Variants in WDFY4 observed in about 807,000 individuals in gnomAD.
WDFY4 encodes WDFY family member 4.
A neutral mutation model predicts 351.9 loss-of-function variants in WDFY4; 169 were observed. The observed-to-expected ratio is 0.48, with a 90% CI of 0.42 to 0.55. The LOEUF (loss-of-function observed/expected upper bound fraction) is 0.55. Among genes scored for constraint, WDFY4 ranks in the 20% least tolerant of loss-of-function variants. The pLI, the probability that WDFY4 is intolerant of heterozygous loss-of-function variation, is 0.00. For synonymous variants in WDFY4, 1,622 were observed against 1,574.6 expected (o/e 1.03, Z -0.71); for missense variants, 3,803 against 3,935.6 (o/e 0.97, Z 0.90).
chr10:48,820,299 A>T lies in WDFY4; in HGVS notation c.5571A>T (p.Thr1857=). 1.9e-6 allele frequency: 3 copies of T among 1,551,660 alleles called. No individual in the cohort carries two copies. Among genetic ancestry groups the T allele is most frequent in the Non-Finnish European group, 2.6e-6 (3 of 1,146,986 alleles). ...SPEAAAEGDS[T]VEGLQAPTKA... is the part of the protein sequence containing the mutation. ...AGGCCGCAGCTGAAGGCGACAGCACAGTGGAGGGTCTCCAGGCTCCCACCA... is the reference window on the plus strand; with the variant it reads ...AGGCCGCAGCTGAAGGCGACAGCACTGTGGAGGGTCTCCAGGCTCCCACCA... Residue 1857 remains threonine, a synonymous_variant, in exon 33 of 62, where the codon ACA becomes ACT. Transcript: ENST00000325239.
intron 4 of WDFY4, among the ~76,000 whole-genome samples, chr10:48,722,726 ACG>A (rs1399918264): frequency 1.3e-5 from 2 of 152,212 alleles, no homozygotes; most frequent in Non-Finnish European, 1.5e-5. Flanking sequence ...GTGCGCACAC[ACG>A]CACACACAGA....
At chr10:48,775,629 C>G in intron 14 of WDFY4, 83 bp from the exon 15 acceptor site, 2 of 1,347,662 alleles carry the variant, frequency 1.5e-6, no homozygotes. Context: ...CTCCAGGCAT[C>G]TAGGACAGTT....
At chr10:48,903,143 A>G (rs914768635) in intron 47 of WDFY4, among the ~76,000 whole-genome samples, 3 of 152,156 alleles carry the variant, frequency 2.0e-5, no homozygotes, top group Non-Finnish European at 4.4e-5. Flanking sequence ...TATGCAGTTA[A>G]TTGAGTAAAG....
intron 59 of WDFY4, among the ~76,000 whole-genome samples, chr10:48,977,302 T>C (rs748607237): frequency 6.6e-5 from 10 of 152,054 alleles, no homozygotes; most frequent in Non-Finnish European, 1.0e-4. Context: ...GATATTTGCG[T>C]CATCCATTCA....
At chr10:48,695,033 A>C (rs1488312149) in intron 1 of WDFY4, among the ~76,000 whole-genome samples, 1 of 152,152 alleles carries the variant, frequency 6.6e-6, no homozygotes, top group Non-Finnish European at 1.5e-5. Context: ...CATGTTTAAT[A>C]ATCCAGAGAC....
chr10:48,772,517 C>CTTT lies in WDFY4; in HGVS notation c.2554-1925_2554-1923dup, dbSNP rs10672319. ...AGCTCTTACCTAGTGGAGGGCAGTT[C>CTTT]TTTTTTTTTTTTTTTTTTGCATTTT... On this transcript the variant is annotated intron_variant, in intron 13 of 61. Transcript: ENST00000325239. Among the ~76,000 whole-genome samples the CTTT allele has an allele frequency of 5.8e-4, 41 of 70,612 alleles. 1 individual carries two copies. The highest frequency in any genetic ancestry group is 2.0e-3 in the African/African-American group (36 of 18,098). 46.3% of individuals were successfully genotyped at this position (70,612 alleles called of 152,430 possible). A position where few individuals can be genotyped will look rare whatever the true frequency, so the allele number is the denominator to read the frequency against.
intron 11 of WDFY4, 116 bp downstream of exon 11, chr10:48,736,186 G>A: frequency 8.2e-7 from 1 of 1,218,526 alleles, no homozygotes; most frequent in Non-Finnish European, 1.2e-6. Context: ...GTGGCAGGCA[G>A]TACCCTGTAT....
rs138246737 is a variant in WDFY4 at position 48,901,789 on chromosome 10, C to CTT, written c.7524-9_7524-8dup. 4.1e-4 allele frequency: 643 copies of CTT among 1,551,542 alleles called. 12 individuals carry two copies. The East Asian group carries it at 0.015, about 36-fold the overall frequency. On this transcript the variant is annotated splice_polypyrimidine_tract_variant and intron_variant, in intron 46 of 61. Coordinates refer to ENST00000325239, the MANE Select transcript of WDFY4 (RefSeq NM_001394531.1). ...CTCTGCTGATGGAATTATCCCTTCC[C>CTT]TTTTCATGTAGCTTCTGCTCTTTCC...
rs183964792 is a variant in WDFY4, at chr10:48,978,228, C to T, written c.9292-81C>T. 830 of 1,411,602 alleles carry T rather than the reference C, an allele frequency of 5.9e-4. 4 individuals carry two copies. In the African/African-American group the frequency reaches 9.1e-3, roughly 16 times the overall value. The allele number at this position is 1,411,602 out of a possible 1,614,324, so 87.4% of individuals were successfully genotyped here. ...ATCCTTTCCCTGGGGGACCCCTAGG[C>T]GTGAGGAAATGGACTAGGCCACTCC... On this transcript the variant is annotated intron_variant, in intron 59 of 61. Coordinates refer to ENST00000325239, the MANE Select transcript of WDFY4 (RefSeq NM_001394531.1).
chr10:48,874,600 T>C (rs1244011994), intron 41 of WDFY4, among the ~76,000 whole-genome samples: 1 of 152,152 alleles, frequency 6.6e-6, no homozygotes, highest in Non-Finnish European at 1.5e-5. Context: ...AATAAACATT[T>C]GGTGGTGTGT....
In WDFY4 at chr10:48,875,146, C is replaced by T. The variant is rs1244058923; in HGVS notation, c.7000+6C>T. 1 of 1,438,440 alleles carries T rather than the reference C, an allele frequency of 7.0e-7. No homozygotes were observed. Among genetic ancestry groups the T allele is most frequent in the East Asian group, 2.8e-5 (1 of 35,948 alleles). The allele number at this position is 1,438,440 out of a possible 1,614,324, so 89.1% of individuals were successfully genotyped here. ...AACAAATGCTGAAAACCAAGGTATTCAGTTTATCTATTTTTTCCTTTAATA... is the reference window on the plus strand; with the variant it reads ...AACAAATGCTGAAAACCAAGGTATTTAGTTTATCTATTTTTTCCTTTAATA... On this transcript the variant is annotated splice_donor_region_variant and intron_variant, in intron 42 of 61. Transcript: ENST00000325239.
At chr10:48,735,795 A>G (rs1019706744) in intron 10 of WDFY4, 85 bp from the exon 11 acceptor site, 4 of 1,333,936 alleles carry the variant, frequency 3.0e-6, no homozygotes, top group East Asian at 2.5e-5. Flanking sequence ...TTTGAAAATT[A>G]TAAGACAAAG....
At chr10:48,748,290 A>G (rs2065073238) in intron 12 of WDFY4, among the ~76,000 whole-genome samples, 2 of 152,216 alleles carry the variant, frequency 1.3e-5, no homozygotes, top group Non-Finnish European at 2.9e-5. Flanking sequence ...ACATCTATTT[A>G]TTTTTATTTC....
At chr10:48,750,534 C>A (rs1033760350) in intron 12 of WDFY4, among the ~76,000 whole-genome samples, 1 of 152,242 alleles carries the variant, frequency 6.6e-6, no homozygotes, top group African/African-American at 2.4e-5. Context: ...AGAAGCCTCC[C>A]CTGGCCTGCC....
In WDFY4 at chr10:48,743,256, G is replaced by T. The variant is rs1209492191; in HGVS notation, c.2167G>T (p.Ala723Ser). 5 of 1,551,606 alleles carry T rather than the reference G, an allele frequency of 3.2e-6. No homozygotes were observed. In the African/African-American group the frequency reaches 6.8e-5, roughly 21 times the overall value. The stretch of plus-strand genomic sequence containing the variant: ...CCTCTGCCTGCTGGGCTGTTTTGGA[G>T]CCCTGGAGGAAGAGGGCAACCTGCT... ...EDLCLLGCFGALEEEGNLLRS... is the reference protein window; with the variant it reads ...EDLCLLGCFGSLEEEGNLLRS... Residue 723 changes from alanine to serine, a missense_variant, in exon 12 of 62, where the codon GCC becomes TCC. Around this residue, in one of 3 missense-constraint regions of WDFY4, gnomAD observed 3,054 missense variants for 3,148.6 expected, o/e 0.97. Transcript: ENST00000325239.
intron 1 of WDFY4, among the ~76,000 whole-genome samples, chr10:48,703,177 T>C (rs946314906): frequency 6.6e-6 from 1 of 152,130 alleles, no homozygotes; most frequent in Non-Finnish European, 1.5e-5. Flanking sequence ...GGCTTTGCTA[T>C]TTATTTATTT....
chr10:48,873,621 G>C lies in WDFY4; in HGVS notation c.6872G>C (p.Arg2291Thr). ...TGTTCCCCATGGGAACTCGACTGGA[G>C]AGAAGGACCAGCTCGAATGAGGAAA... Reference protein sequence around the residue: ...KPCSPWELDWREGPARMRKRI... With the variant: ...KPCSPWELDWTEGPARMRKRI... The change falls in exon 41 of 62, where the codon AGA becomes ACA. Residue 2291 changes from arginine (R) to threonine (T), a missense_variant. Physicochemically the swap from Arg to Thr is moderately conservative, Grantham distance 71. Coordinates refer to ENST00000325239, the MANE Select transcript of WDFY4 (RefSeq NM_001394531.1). 6.4e-7 allele frequency: 1 copy of C among 1,551,822 alleles called. No individual in the cohort carries two copies. The highest frequency in any genetic ancestry group is 1.7e-4 in the Middle Eastern group (1 of 5,994).
chr10:48,841,311 A>G (rs1342013750), intron 39 of WDFY4, among the ~76,000 whole-genome samples: 1 of 151,402 alleles, frequency 6.6e-6, no homozygotes, highest in Admixed American at 6.6e-5. Context: ...TTCTTATTTG[A>G]TCATTTTGTG....
At chr10:48,817,889 C>G (rs1442368113) in intron 32 of WDFY4, among the ~76,000 whole-genome samples, 5 of 152,208 alleles carry the variant, frequency 3.3e-5, no homozygotes, top group Non-Finnish European at 5.9e-5. Flanking sequence ...TAGAGCCAGA[C>G]AAGCCAAGGG....
Sources: allele counts gnomAD v4.1 joint callset (sites outside exome capture counted in the v4.1 genomes callset), GRCh38; gene constraint gnomAD v4.1.1; regional missense constraint gnomAD v4.1.1; transcripts MANE v1.5; gene names NCBI Gene and HGNC (gene_info 2026-07-23, HGNC 2026-07-21).